Variants in LRRFIP1 observed in about 807,000 individuals in gnomAD.
LRRFIP1 encodes the protein LRR binding FLII interacting protein 1, also known as leucine-rich repeat flightless-interacting protein 1.
A neutral mutation model predicts 104.4 loss-of-function variants in LRRFIP1; 62 were observed. The ratio of observed to expected loss-of-function variants is 0.59; its 90% CI spans 0.48 to 0.73. The LOEUF is 0.73. Among genes scored for constraint, LRRFIP1 ranks in the 30% least tolerant of loss-of-function variants. The pLI is 0.00. For missense variants in LRRFIP1, 796 were observed against 824.5 expected (o/e 0.97, Z 0.42); for synonymous variants, 300 against 299.0 (o/e 1.00, Z -0.03).
intron 3 of LRRFIP1, among the ~76,000 whole-genome samples, chr2:237,716,271 T>C (rs1438066746): frequency 6.6e-6 from 1 of 152,250 alleles, no homozygotes; most frequent in African/African-American, 2.4e-5. Flanking sequence ...TGCATTTCCC[T>C]GACATTGAAG....
At chr2:237,666,454 T>C (rs1234009422) in intron 1 of LRRFIP1, among the ~76,000 whole-genome samples, 2 of 152,278 alleles carry the variant, frequency 1.3e-5, no homozygotes, top group Non-Finnish European at 2.9e-5. Context: ...AAGGTTTTAA[T>C]TAGAGTCAGG....
chr2:237,781,025 G>A lies in LRRFIP1; in HGVS notation c.*1493G>A, dbSNP rs906899013. On this transcript the variant is annotated 3_prime_UTR_variant, in exon 24 of 24. Coordinates refer to ENST00000308482, the MANE Select transcript of LRRFIP1 (RefSeq NM_001137550.2). ...ACTGGGAGACCCACACTGCACACCC[G>A]GGCACCGTATGAACAGGAAAGAGGA... is the stretch of plus-strand genomic sequence containing the variant. 2.0e-5 allele frequency among the ~76,000 whole-genome samples: 3 copies of A among 152,150 alleles called. No individual in the cohort carries two copies. The highest frequency in any genetic ancestry group is 6.6e-5 in the Admixed American group (1 of 15,258).
Position 237,717,852 on chromosome 2 carries a change from C to T in LRRFIP1, c.249+43C>T. On this transcript the variant is annotated intron_variant, in intron 4 of 23. Transcript: ENST00000308482. This position sits in a 1 kb window ranked among gnomAD's most constrained non-coding sequence, Gnocchi z 4.2. ...TTTTGTTTTTACTCTTCCCTCCCCACTTGAATACAGTGTTGAGACTTAAAT... is the reference window on the plus strand; with the variant it reads ...TTTTGTTTTTACTCTTCCCTCCCCATTTGAATACAGTGTTGAGACTTAAAT... 2 of 1,419,128 alleles carry T rather than the reference C, an allele frequency of 1.4e-6. No individual in the cohort carries two copies. The highest frequency in any genetic ancestry group is 2.0e-6 in the Non-Finnish European group (2 of 1,002,324). The allele number at this position is 1,419,128 out of a possible 1,614,324, so 87.9% of individuals were successfully genotyped here.
chr2:237,741,370 G>A (rs1244000668), intron 11 of LRRFIP1, among the ~76,000 whole-genome samples: 1 of 152,206 alleles, frequency 6.6e-6, no homozygotes, highest in Non-Finnish European at 1.5e-5. Context: ...CCAAGGCTGT[G>A]TCTTCCTTAA....
chr2:237,641,343 C>T (rs1474322871), intron 1 of LRRFIP1, among the ~76,000 whole-genome samples: 2 of 151,952 alleles, frequency 1.3e-5, no homozygotes, highest in African/African-American at 2.4e-5. Flanking sequence ...GAAACCCCAT[C>T]TCTACTAAAA....
At chr2:237,736,533 A>G (rs185109061) in intron 10 of LRRFIP1, among the ~76,000 whole-genome samples, 1 of 152,130 alleles carries the variant, frequency 6.6e-6, no homozygotes, top group African/African-American at 2.4e-5. Context: ...TTCAGTAGAG[A>G]GTCTAAGATC....
intron 1 of LRRFIP1, among the ~76,000 whole-genome samples, chr2:237,643,566 G>A (rs997212353): frequency 1.3e-5 from 2 of 152,238 alleles, no homozygotes; most frequent in African/African-American, 2.4e-5. Flanking sequence ...CCCGCTGGGC[G>A]AAGCTGCTAG....
rs181006647 is a variant in LRRFIP1 at position 237,732,525 on chromosome 2, C to G, written c.445-1249C>G. 2.6e-3 allele frequency among the ~76,000 whole-genome samples: 398 copies of G among 152,320 alleles called. 1 individual carries two copies. Among genetic ancestry groups the G allele is most frequent in the Middle Eastern group, 0.02 (6 of 294 alleles). Reference sequence around the variant, plus strand: ...CCTCCTCTACACAAAGTCACAAGAGCAAAGCTTAGCAACTGTTTTAATTGG... The same window carrying G: ...CCTCCTCTACACAAAGTCACAAGAGGAAAGCTTAGCAACTGTTTTAATTGG... On this transcript the variant is annotated intron_variant, in intron 8 of 23. Coordinates refer to ENST00000308482, the MANE Select transcript of LRRFIP1 (RefSeq NM_001137550.2).
chr2:237,692,449 C>A, intron 1 of LRRFIP1: 1 of 1,521,156 alleles, frequency 6.6e-7, no homozygotes, highest in Non-Finnish European at 8.8e-7. Context: ...GGGCCGAGCC[C>A]GGCAGGATGA....
At chr2:237,647,443 G>C (rs1227231562) in intron 1 of LRRFIP1, among the ~76,000 whole-genome samples, 3 of 152,010 alleles carry the variant, frequency 2.0e-5, no homozygotes, top group Non-Finnish European at 4.4e-5. Flanking sequence ...GTACAAAGGA[G>C]AAAAGGGGAA....
chr2:237,761,067 G>A (rs1011018765), intron 19 of LRRFIP1, among the ~76,000 whole-genome samples: 3 of 152,128 alleles, frequency 2.0e-5, no homozygotes, highest in Non-Finnish European at 4.4e-5. Context: ...TAAGGTCAGG[G>A]TCCGTGACTT....
intron 1 of LRRFIP1, among the ~76,000 whole-genome samples, chr2:237,701,243 A>G (rs530386136): frequency 1.6e-4 from 25 of 152,098 alleles, no homozygotes; most frequent in Non-Finnish European, 2.2e-4. Flanking sequence ...CTTTGAGGAG[A>G]CCACATGATG....
At chr2:237,658,135 C>T (rs1236843102) in intron 1 of LRRFIP1, among the ~76,000 whole-genome samples, 2 of 152,160 alleles carry the variant, frequency 1.3e-5, no homozygotes, top group African/African-American at 4.8e-5. Flanking sequence ...AATCAATAGC[C>T]TCCATATATT....
In LRRFIP1 at chr2:237,717,723, T is replaced by G; in HGVS notation, c.202-39T>G. 6.7e-7 allele frequency: 1 copy of G among 1,502,912 alleles called. No individual in the cohort carries two copies. The highest frequency in any genetic ancestry group is 9.3e-7 in the Non-Finnish European group (1 of 1,078,758). The allele number at this position is 1,502,912 out of a possible 1,614,324, so 93.1% of individuals were successfully genotyped here. The stretch of plus-strand genomic sequence containing the variant: ...TTAGACAACTGCCTTTTTAAGAAAT[T>G]TCACTTCTTGCCTAATTTTCTTTCC... On this transcript the variant is annotated intron_variant, in intron 3 of 23. Transcript: ENST00000308482. This position sits in a 1 kb window ranked among gnomAD's most constrained non-coding sequence, Gnocchi z 4.2.
At chr2:237,672,789 C>A (rs562837789) in intron 1 of LRRFIP1, among the ~76,000 whole-genome samples, 48 of 152,296 alleles carry the variant, frequency 3.2e-4, no homozygotes, top group Non-Finnish European at 6.0e-4. Context: ...TTTACAGTAT[C>A]CAAATGTGGA....
chr2:237,657,306 A>G (rs2086977812), intron 1 of LRRFIP1, among the ~76,000 whole-genome samples: 1 of 152,244 alleles, frequency 6.6e-6, no homozygotes, highest in South Asian at 2.1e-4. Context: ...GAGTATTCTA[A>G]GAGGAAAACC....
At position 237,756,192 on chromosome 2, in the gene LRRFIP1, G is replaced by C; in HGVS notation, c.1131+5G>C. The C allele has an allele frequency of 6.2e-7, 1 of 1,608,358 alleles. No individual in the cohort carries two copies. Among genetic ancestry groups the C allele is most frequent in the South Asian group, 1.1e-5 (1 of 90,738 alleles). ...CAAAGAGAGGAAATGCTCGAGGTAGGTAGCATTCTCCTGCTTTTCTTTTCC... is the reference window on the plus strand; with the variant it reads ...CAAAGAGAGGAAATGCTCGAGGTAGCTAGCATTCTCCTGCTTTTCTTTTCC... On this transcript the variant is annotated splice_donor_5th_base_variant and intron_variant, in intron 16 of 23. Transcript: ENST00000308482.
chr2:237,749,858 C>T (rs1314367644), intron 13 of LRRFIP1, among the ~76,000 whole-genome samples: 1 of 152,152 alleles, frequency 6.6e-6, no homozygotes, highest in Non-Finnish European at 1.5e-5. Flanking sequence ...CTATCCTCAG[C>T]ACCCAGGACA....
intron 19 of LRRFIP1, chr2:237,764,857 G>A: frequency 1.0e-6 from 1 of 985,612 alleles, no homozygotes; most frequent in Non-Finnish European, 1.2e-6. Flanking sequence ...TTCACTTCAT[G>A]CTGATGATGT....
Sources: allele counts gnomAD v4.1 joint callset (sites outside exome capture counted in the v4.1 genomes callset), GRCh38; gene constraint gnomAD v4.1.1; non-coding constraint Gnocchi (gnomAD v3.1); transcripts MANE v1.5; gene names NCBI Gene and HGNC (gene_info 2026-07-23, HGNC 2026-07-21).